The following CLIP4 variants were observed in gnomAD, a reference collection of about 807,000 sequenced individuals.
CLIP4 encodes the protein CAP-Gly domain containing linker protein family member 4, also known as CAP-Gly domain-containing linker protein 4.
Under a neutral mutation model 73.1 loss-of-function variants are expected in CLIP4, and 47 were observed. That is an observed-to-expected ratio of 0.64 (90% CI 0.51 to 0.82). CLIP4 has a LOEUF of 0.82. CLIP4 is among the 40% of genes least tolerant of loss of function. The probability of loss-of-function intolerance (pLI) is 0.00; values close to 1 mark genes in which losing one functional copy is unlikely to be tolerated. For missense variants in CLIP4, 874 were observed against 852.9 expected, an observed-to-expected ratio of 1.02 and a Z score of -0.31; for synonymous variants, 306 against 295.4, an observed-to-expected ratio of 1.04 and a Z score of -0.37.
In CLIP4 at chr2:29,183,604, A is replaced by T. The variant is rs1668743110; in HGVS notation, c.*1711A>T. 6.5e-6 allele frequency: 1 copy of T among 152,692 alleles called. No individual in the cohort carries two copies. The highest frequency in any genetic ancestry group is 6.5e-5 in the Admixed American group (1 of 15,290). The allele number at this position is 152,692 out of a possible 1,614,324, so 9.5% of individuals were successfully genotyped here. On this transcript the variant is annotated 3_prime_UTR_variant, in exon 16 of 16. Transcript: ENST00000320081. ...AAAACACTGTAAGTTAAAAACAGTA[A>T]TGCCAACATTGAATTTATTTTTGAG...
chr2:29,158,023 A>T (rs1024483925), intron 11 of CLIP4, among the ~76,000 whole-genome samples: 13 of 152,180 alleles, frequency 8.5e-5, no homozygotes, highest in Non-Finnish European at 1.5e-4. Flanking sequence ...TATTATGGAA[A>T]ATATTCATGA....
In CLIP4 at chr2:29,121,505, A is replaced by C. The variant is rs956496802; in HGVS notation, c.117A>C (p.Pro39=). ...TTATCTTTTCCATTTCTGCAGCACC[A>C]ATGCCTTCAGACTGTGGTATGTGAA... ...TPVIFSISAA[P]MPSDCEFSFF... is the part of the protein sequence containing the mutation. Residue 39 remains proline (P), a synonymous_variant, in exon 2 of 16, where the codon CCA becomes CCC. Transcript: ENST00000320081. 1 of 1,613,604 alleles carries C rather than the reference A, an allele frequency of 6.2e-7. No homozygotes were observed.
rs35300134 is a variant in CLIP4 at position 29,181,575 on chromosome 2, G to T, written c.1800G>T (p.Ser600=). 3.7e-6 allele frequency: 6 copies of T among 1,603,376 alleles called. No individual in the cohort carries two copies. Among genetic ancestry groups the T allele is most frequent in the African/African-American group, 2.7e-5 (2 of 74,758 alleles). Reference sequence around the variant, plus strand: ...CCCACTTTTCCCTTCCGCACAGATCGAAAGCTGCTTTGCGTCGCAGTTGGA... The same window carrying T: ...CCCACTTTTCCCTTCCGCACAGATCTAAAGCTGCTTTGCGTCGCAGTTGGA... ...EINRRNAFSK[S]KAALRRSWSS... The change falls in exon 16 of 16, where the codon TCG becomes TCT. Residue 600 remains serine (S), a synonymous_variant. Coordinates refer to ENST00000320081, the MANE Select transcript of CLIP4 (RefSeq NM_024692.6).
rs1397642812 is a variant in CLIP4 at position 29,154,934 on chromosome 2, A to G, written c.1166-1420A>G. On this transcript the variant is annotated intron_variant, in intron 9 of 15. Coordinates refer to ENST00000320081, the MANE Select transcript of CLIP4 (RefSeq NM_024692.6). ...TGCCTGCTAAAATGAAACAGTCAAC[A>G]TCCTCCATAGGATTTAAACAAGACC... is the stretch of plus-strand genomic sequence containing the variant. Among the ~76,000 whole-genome samples, 3 of 152,232 alleles carry G rather than the reference A, an allele frequency of 2.0e-5. No homozygotes were observed. In the East Asian group the frequency reaches 5.8e-4, roughly 29 times the overall value.
At chr2:29,174,647 A>G (rs1668218238) in intron 15 of CLIP4, 1 of 1,314,140 alleles carries the variant, frequency 7.6e-7, no homozygotes. Context: ...AGTGACTAAA[A>G]CTAGTGCACT....
At chr2:29,112,412 A>G (rs915237572), upstream of CLIP4, among the ~76,000 whole-genome samples, 1 of 152,238 alleles carries the variant, frequency 6.6e-6, no homozygotes, top group Non-Finnish European at 1.5e-5. Context: ...GTCCTTAAAT[A>G]GAGTTTTAAA....
intron 2 of CLIP4, among the ~76,000 whole-genome samples, chr2:29,124,603 AACTCACTG>A (rs56843589): frequency 0.56 from 84,434 of 151,864 alleles, 24,765 homozygotes; most frequent in South Asian, 0.73. Context: ...GTTGTCCCAT[AACTCACTG>A]ATTTATTTTA....
intron 8 of CLIP4, 151 bp downstream of exon 8, chr2:29,145,518 ATAGT>A (rs1666095280): frequency 1.6e-6 from 1 of 614,206 alleles, no homozygotes. Context: ...AAGATAGGAG[ATAGT>A]TATATTTATT....
At chr2:29,115,410 C>T (rs886337199), upstream of CLIP4, 1 of 151,114 alleles carries the variant, frequency 6.6e-6, no homozygotes, top group African/African-American at 2.4e-5. This position sits in a 1 kb window ranked among gnomAD's most constrained non-coding sequence, Gnocchi z 5.1. Context: ...CGCGCTGCCT[C>T]CTCCGTCCCC....
chr2:29,161,625 T>C (rs1228674699), intron 12 of CLIP4, among the ~76,000 whole-genome samples: 1 of 152,182 alleles, frequency 6.6e-6, no homozygotes, highest in Non-Finnish European at 1.5e-5. Context: ...AGCATTTTCT[T>C]GAACTATTAT....
intron 14 of CLIP4, among the ~76,000 whole-genome samples, chr2:29,171,881 G>T (rs1196846408): frequency 6.6e-6 from 1 of 151,876 alleles, no homozygotes; most frequent in Non-Finnish European, 1.5e-5. Flanking sequence ...TTACTCATTT[G>T]CATTTATTGT....
intron 4 of CLIP4, chr2:29,132,467 C>T: frequency 1.9e-6 from 1 of 524,154 alleles, no homozygotes; most frequent in Non-Finnish European, 3.4e-6. Flanking sequence ...CTGGATCAGG[C>T]CTCATGCCTG....
intron 1 of CLIP4, among the ~76,000 whole-genome samples, chr2:29,104,634 T>G (rs938361586): frequency 3.3e-5 from 5 of 152,148 alleles, no homozygotes; most frequent in African/African-American, 9.7e-5. Flanking sequence ...GTGGAGCTCA[T>G]GCTTGGGAGT....
intron 1 of CLIP4, among the ~76,000 whole-genome samples, chr2:29,116,224 C>T (rs1485705182): frequency 6.6e-6 from 1 of 152,178 alleles, no homozygotes; most frequent in Non-Finnish European, 1.5e-5. Flanking sequence ...GGAGCTGAGC[C>T]CGCATCCTTA....
chr2:29,122,047 A>G (rs1664283948), intron 2 of CLIP4, among the ~76,000 whole-genome samples: 1 of 152,202 alleles, frequency 6.6e-6, no homozygotes, highest in South Asian at 2.1e-4. Flanking sequence ...GATAAATTTG[A>G]TAGAATTGTT....
intron 9 of CLIP4, among the ~76,000 whole-genome samples, chr2:29,155,133 TC>T (rs1666834035): frequency 6.6e-6 from 1 of 152,020 alleles, no homozygotes; most frequent in Non-Finnish European, 1.5e-5. Context: ...GTAACCACAC[TC>T]CAAGAATTAA....
intron 6 of CLIP4, among the ~76,000 whole-genome samples, chr2:29,139,037 T>A (rs752276225): frequency 6.6e-6 from 1 of 152,180 alleles, no homozygotes; most frequent in Non-Finnish European, 1.5e-5. Context: ...TCCAGTACTA[T>A]GTTGAATAGG....
intron 14 of CLIP4, among the ~76,000 whole-genome samples, chr2:29,168,280 A>T (rs993029809): frequency 6.6e-6 from 1 of 152,084 alleles, no homozygotes; most frequent in South Asian, 2.1e-4. Context: ...ATTATGAAGT[A>T]CCTGTTCAAG....
intron 1 of CLIP4, among the ~76,000 whole-genome samples, chr2:29,104,380 A>C (rs1032621520): frequency 2.0e-5 from 3 of 152,118 alleles, no homozygotes; most frequent in Admixed American, 6.5e-5. Context: ...GGCTCAAGTG[A>C]TCCTCCAGCC....
Sources: gnomAD v4.1 joint callset for allele counts (sites outside exome capture counted in the v4.1 genomes callset) on GRCh38, gnomAD v4.1.1 for gene constraint, Gnocchi (gnomAD v3.1) non-coding constraint, MANE v1.5 for transcripts, NCBI Gene and HGNC (gene_info 2026-07-23, HGNC 2026-07-21) for gene names.